UBE2R2: variants seen among roughly 807,000 people sequenced by gnomAD.
UBE2R2 encodes the protein ubiquitin conjugating enzyme E2 R2.
A neutral mutation model predicts 27.8 loss-of-function variants in UBE2R2; 1 was observed. The observed-to-expected ratio is 0.04, with a 90% confidence interval of 0.01 to 0.17. The LOEUF (loss-of-function observed/expected upper bound fraction) is 0.17. Ranked by LOEUF, UBE2R2 falls within the 10% of genes least tolerant of loss-of-function variation. The pLI, the probability that UBE2R2 is intolerant of heterozygous loss-of-function variation, is 1.00. For missense variants in UBE2R2, 100 were observed against 291.0 expected, an observed-to-expected ratio of 0.34 and a Z score of 4.78; for synonymous variants, 106 against 113.3, an observed-to-expected ratio of 0.94 and a Z score of 0.41.
intron 4 of UBE2R2, among the ~76,000 whole-genome samples, chr9:33,913,683 A>C (rs1822555272): frequency 6.6e-6 from 1 of 152,362 alleles, no homozygotes; most frequent in East Asian, 1.9e-4. Context: ...AATAAAATCT[A>C]GTTGGCTTGA....
At chr9:33,856,065 A>G (rs1007218843) in intron 1 of UBE2R2, among the ~76,000 whole-genome samples, 6 of 152,040 alleles carry the variant, frequency 3.9e-5, no homozygotes, top group Admixed American at 1.3e-4. Flanking sequence ...AAACCAAACA[A>G]AACCTTATAC....
intron 1 of UBE2R2, among the ~76,000 whole-genome samples, chr9:33,874,635 TTTTCA>T (rs1384162158): frequency 2.0e-4 from 30 of 151,814 alleles, no homozygotes; most frequent in Non-Finnish European, 1.0e-4. Context: ...TAATTTCTAC[TTTTCA>T]TTTCATTTGT....
intron 4 of UBE2R2, 81 bp downstream of exon 4, chr9:33,912,179 T>C: frequency 8.3e-7 from 1 of 1,206,154 alleles, no homozygotes; most frequent in Non-Finnish European, 1.2e-6. Flanking sequence ...CAAACTTAAA[T>C]ATCCTGTCCA....
intron 2 of UBE2R2, among the ~76,000 whole-genome samples, chr9:33,887,702 C>T (rs569335636): frequency 3.3e-5 from 5 of 152,174 alleles, no homozygotes; most frequent in African/African-American, 1.2e-4. Context: ...GAGACAGTCT[C>T]GCTCTGTAGC....
In UBE2R2 at chr9:33,917,311, A is replaced by G. The variant is rs2130827338; in HGVS notation, c.*74A>G. 1.3e-6 allele frequency: 2 copies of G among 1,583,730 alleles called. No homozygotes were observed. Among genetic ancestry groups the G allele is most frequent in the South Asian group, 1.1e-5 (1 of 87,282 alleles). On this transcript the variant is annotated 3_prime_UTR_variant, in exon 5 of 5. Transcript: ENST00000263228. ...GAGGGGAGCAAGTGGGGACCTGGCCATGGCCCCTCAGCAAAAACCTATTCA... is the reference window on the plus strand; with the variant it reads ...GAGGGGAGCAAGTGGGGACCTGGCCGTGGCCCCTCAGCAAAAACCTATTCA...
At chr9:33,821,336 T>C (rs2130710698) in intron 1 of UBE2R2, among the ~76,000 whole-genome samples, 1 of 152,178 alleles carries the variant, frequency 6.6e-6, no homozygotes, top group Non-Finnish European at 1.5e-5. Context: ...TTCAGTATTG[T>C]TAAGTGAGGT....
intron 3 of UBE2R2, among the ~76,000 whole-genome samples, chr9:33,908,432 A>G (rs1822411995): frequency 6.6e-6 from 1 of 152,192 alleles, no homozygotes; most frequent in African/African-American, 2.4e-5. Flanking sequence ...GGTGTGGCAC[A>G]ATGGTAGGAG....
intron 1 of UBE2R2, among the ~76,000 whole-genome samples, chr9:33,872,626 A>G (rs1299574638): frequency 6.6e-6 from 1 of 151,968 alleles, no homozygotes; most frequent in African/African-American, 2.4e-5. Context: ...GTCTCTACTA[A>G]AAATACAAGA....
In UBE2R2 at chr9:33,866,816, G is replaced by A. The variant is rs897580466; in HGVS notation, c.178-20065G>A. On this transcript the variant is annotated intron_variant, in intron 1 of 4. Transcript: ENST00000263228. ...AGAGTCATACTCTTTATTCATAGGA[G>A]TTCTTTATATACTGTGCATATTAAA... is the stretch of plus-strand genomic sequence containing the variant. 9.3e-4 allele frequency among the ~76,000 whole-genome samples: 141 copies of A among 152,096 alleles called. 2 individuals are homozygous for A. The highest frequency in any genetic ancestry group is 3.4e-3 in the African/African-American group (139 of 41,402).
At chr9:33,902,665 AAATAATTGTT>A (rs1290343435) in intron 3 of UBE2R2, among the ~76,000 whole-genome samples, 6 of 152,362 alleles carry the variant, frequency 3.9e-5, no homozygotes, top group Admixed American at 3.3e-4. Flanking sequence ...AAAAGAACTA[AAATAATTGTT>A]TTGAGCTGTT....
chr9:33,815,816 T>C (rs545887396), upstream of UBE2R2, among the ~76,000 whole-genome samples: 1 of 152,326 alleles, frequency 6.6e-6, no homozygotes, highest in Admixed American at 6.5e-5. Flanking sequence ...CAAGTTTCTA[T>C]GAATCATTAA....
chr9:33,886,684 A>C (rs1821865607), intron 1 of UBE2R2, among the ~76,000 whole-genome samples, 197 bp from the exon 2 acceptor site: 1 of 151,466 alleles, frequency 6.6e-6, no homozygotes, highest in African/African-American at 2.4e-5. Context: ...GGCTTTTATA[A>C]ATATTTGAAG....
chr9:33,914,034 ATTTG>A (rs963243979), intron 4 of UBE2R2, among the ~76,000 whole-genome samples: 2 of 152,192 alleles, frequency 1.3e-5, no homozygotes, highest in Admixed American at 1.3e-4. Context: ...ATATTTCTTA[ATTTG>A]TTTAAGGGTC....
intron 1 of UBE2R2, among the ~76,000 whole-genome samples, chr9:33,860,690 T>C (rs1465716651): frequency 6.6e-6 from 1 of 152,076 alleles, no homozygotes; most frequent in South Asian, 2.1e-4. Context: ...CACTTGAGTA[T>C]AGGAGTTTGA....
intron 1 of UBE2R2, among the ~76,000 whole-genome samples, chr9:33,845,275 C>T (rs1422945098): frequency 1.5e-4 from 22 of 146,702 alleles, no homozygotes; most frequent in African/African-American, 3.3e-4. Flanking sequence ...TAGACGGAGT[C>T]TTGCTCTGTC....
intron 1 of UBE2R2, among the ~76,000 whole-genome samples, chr9:33,884,236 T>TCTCTCTCTCTCTCTC (rs1587467991): frequency 3.7e-4 from 4 of 10,908 alleles, no homozygotes; most frequent in Non-Finnish European, 6.6e-4. Context: ...CTCTCTCTCT[T>TCTCTCTCTCTCTCTC]CCCCCTCTCT....
At position 33,900,221 on chromosome 9, in the gene UBE2R2, A is replaced by G. The variant is rs1822215416; in HGVS notation, c.312A>G (p.Pro104=). 6.8e-6 allele frequency: 11 copies of G among 1,613,316 alleles called. No homozygotes were observed. Among genetic ancestry groups the G allele is most frequent in the South Asian group, 1.1e-5 (1 of 91,080 alleles). The change falls in exon 3 of 5, where the codon CCA becomes CCG. Residue 104 remains proline, a synonymous_variant. Transcript: ENST00000263228. ...TTCTTCATCCGCCTGTAGATGACCCACAGAGTGGAGAACTGCCTTCTGAAA... is the reference window on the plus strand; with the variant it reads ...TTCTTCATCCGCCTGTAGATGACCCGCAGAGTGGAGAACTGCCTTCTGAAA... The part of the protein sequence containing the change: ...ISILHPPVDD[P]QSGELPSERW...
intron 1 of UBE2R2, among the ~76,000 whole-genome samples, chr9:33,857,641 A>G (rs1382746314): frequency 6.6e-6 from 1 of 152,208 alleles, no homozygotes; most frequent in Non-Finnish European, 1.5e-5. Flanking sequence ...TTAAATTAGA[A>G]AGTGTTACTA....
chr9:33,828,176 C>T (rs1820357344), intron 1 of UBE2R2, among the ~76,000 whole-genome samples: 1 of 150,998 alleles, frequency 6.6e-6, no homozygotes, highest in Non-Finnish European at 1.5e-5. Flanking sequence ...GTAGCACGCG[C>T]CTATAATCCC....
Sources: allele counts gnomAD v4.1 joint callset (sites outside exome capture counted in the v4.1 genomes callset), GRCh38; gene constraint gnomAD v4.1.1; transcripts MANE v1.5; gene names NCBI Gene and HGNC (gene_info 2026-07-23, HGNC 2026-07-21).